GABRB3: variants seen among roughly 807,000 people sequenced by gnomAD.
The protein encoded by GABRB3 is gamma-aminobutyric acid receptor subunit beta-3.
In GABRB3, 14 loss-of-function variants were observed where a neutral mutation model predicts 52.1. The ratio of observed to expected loss-of-function variants is 0.27; its 90% CI spans 0.18 to 0.42. GABRB3 has a LOEUF of 0.42. Ranked by LOEUF, GABRB3 falls within the 10% of genes least tolerant of loss-of-function variation. The pLI is 1.00. For missense variants in GABRB3, 307 were observed against 609.1 expected (o/e 0.50, Z 5.22); for synonymous variants, 260 against 232.3 (o/e 1.12, Z -1.08).
chr15:26,756,187 T>C (rs182376681), intron 3 of GABRB3, among the ~76,000 whole-genome samples: 1 of 152,220 alleles, frequency 6.6e-6, no homozygotes, highest in East Asian at 1.9e-4. Context: ...TAGATATTAT[T>C]TTGTAGAAGC....
chr15:26,640,347 C>T (rs1422625762), intron 3 of GABRB3, among the ~76,000 whole-genome samples: 1 of 152,272 alleles, frequency 6.6e-6, no homozygotes, highest in South Asian at 2.1e-4. Flanking sequence ...GAAACCCCAT[C>T]TATACTAAAA....
intron 3 of GABRB3, among the ~76,000 whole-genome samples, chr15:26,629,488 G>T (rs1466721417): frequency 2.6e-5 from 4 of 152,212 alleles, no homozygotes; most frequent in Admixed American, 2.6e-4. Context: ...AGCACATCTA[G>T]ACCGAATGTG....
rs1885151667 is a variant in GABRB3, at chr15:26,546,812, A to G, written c.*981T>C. On this transcript the variant is annotated 3_prime_UTR_variant, in exon 9 of 9. Coordinates refer to ENST00000311550, the MANE Select transcript of GABRB3 (RefSeq NM_000814.6). Reference sequence around the variant, plus strand: ...ATATTTTCTATTAACATACAATGTTATAAGAATGATAACATAACTGCAAGG... The same window carrying G: ...ATATTTTCTATTAACATACAATGTTGTAAGAATGATAACATAACTGCAAGG... The G allele has an allele frequency of 6.6e-6, 1 of 152,214 alleles. No individual in the cohort carries two copies. The highest frequency in any genetic ancestry group is 6.5e-5 in the Admixed American group (1 of 15,274). The allele number at this position is 152,214 out of a possible 1,614,324, so 9.4% of individuals were successfully genotyped here.
At chr15:26,690,080 A>G (rs957536496) in intron 3 of GABRB3, among the ~76,000 whole-genome samples, 2 of 149,500 alleles carry the variant, frequency 1.3e-5, no homozygotes, top group Admixed American at 1.3e-4. Flanking sequence ...TTTTTTTACC[A>G]ATCTGGAGAA....
At chr15:26,592,017 T>C (rs1472511763) in intron 4 of GABRB3, among the ~76,000 whole-genome samples, 1 of 152,148 alleles carries the variant, frequency 6.6e-6, no homozygotes, top group Non-Finnish European at 1.5e-5. Context: ...TTGCTATCTG[T>C]GTCTCTAGCC....
chr15:26,604,313 A>G (rs1891699721), intron 4 of GABRB3, among the ~76,000 whole-genome samples: 1 of 152,154 alleles, frequency 6.6e-6, no homozygotes, highest in Non-Finnish European at 1.5e-5. Context: ...GATTGGAAGA[A>G]TCATTATTGT....
At chr15:26,685,879 A>ACTG (rs533629892) in intron 3 of GABRB3, among the ~76,000 whole-genome samples, 126 of 149,308 alleles carry the variant, frequency 8.4e-4, no homozygotes, top group African/African-American at 3.1e-3. Context: ...ATCATAGCTC[A>ACTG]CTGCAGCCTC....
intron 3 of GABRB3, among the ~76,000 whole-genome samples, chr15:26,748,807 C>CT: frequency 6.6e-6 from 1 of 152,152 alleles, no homozygotes; most frequent in East Asian, 1.9e-4. Flanking sequence ...GGGCAGATCA[C>CT]TTGAGACCAG....
At chr15:26,674,189 G>T (rs1887986647) in intron 3 of GABRB3, among the ~76,000 whole-genome samples, 1 of 151,542 alleles carries the variant, frequency 6.6e-6, no homozygotes, top group African/African-American at 2.4e-5. Context: ...ATCACCCGAG[G>T]TCAGTAGTTT....
chr15:26,647,112 G>A (rs1375177433), intron 3 of GABRB3, among the ~76,000 whole-genome samples: 2 of 152,110 alleles, frequency 1.3e-5, no homozygotes, highest in Non-Finnish European at 2.9e-5. Context: ...CAAAGTGCTG[G>A]GATTACAGGC....
chr15:26,551,642 C>G (rs78185350), intron 8 of GABRB3, among the ~76,000 whole-genome samples: 3,989 of 152,268 alleles, frequency 0.026, 187 homozygotes, highest in African/African-American at 0.091. Flanking sequence ...TGCCATGAGT[C>G]CAGGTGGTGC....
chr15:26,606,522 T>C (rs1250800239), intron 4 of GABRB3, among the ~76,000 whole-genome samples: 1 of 152,140 alleles, frequency 6.6e-6, no homozygotes, highest in Admixed American at 6.5e-5. Flanking sequence ...TAAAGCTATA[T>C]ATGATAAGCC....
intron 3 of GABRB3, among the ~76,000 whole-genome samples, chr15:26,673,794 C>T (rs892740077): frequency 1.3e-5 from 2 of 152,136 alleles, no homozygotes; most frequent in Admixed American, 1.3e-4. Flanking sequence ...AAACTTTGTC[C>T]AAAGCTTTTA....
chr15:26,754,187 A>G (rs571691623), intron 3 of GABRB3, among the ~76,000 whole-genome samples: 1 of 152,308 alleles, frequency 6.6e-6, no homozygotes, highest in African/African-American at 2.4e-5. Context: ...ATTAAGCACG[A>G]GTCGAACTAA....
At chr15:26,588,035 A>G (rs1248522147) in intron 4 of GABRB3, among the ~76,000 whole-genome samples, 1 of 151,984 alleles carries the variant, frequency 6.6e-6, no homozygotes, top group African/African-American at 2.4e-5. Flanking sequence ...TATGATTGAG[A>G]GACAGCAGTG....
At chr15:26,687,479 C>T (rs1464681189) in intron 3 of GABRB3, among the ~76,000 whole-genome samples, 1 of 152,140 alleles carries the variant, frequency 6.6e-6, no homozygotes, top group East Asian at 1.9e-4. Context: ...CATCATGCTT[C>T]TCTTTCTCTT....
chr15:26,721,602 C>A (rs929353886), intron 3 of GABRB3, among the ~76,000 whole-genome samples: 1 of 151,688 alleles, frequency 6.6e-6, no homozygotes, highest in Non-Finnish European at 1.5e-5. Context: ...TTGTTTTTCT[C>A]TTGTTGATCT....
intron 3 of GABRB3, among the ~76,000 whole-genome samples, chr15:26,749,749 G>C (rs1354221153): frequency 5.3e-5 from 8 of 151,636 alleles, no homozygotes; most frequent in African/African-American, 1.9e-4. Flanking sequence ...TTTCGCGGGG[G>C]CTTTTTTGTT....
chr15:26,628,068 A>C (rs1165385592), intron 3 of GABRB3, among the ~76,000 whole-genome samples: 2 of 152,258 alleles, frequency 1.3e-5, no homozygotes, highest in East Asian at 3.8e-4. Flanking sequence ...CTGAAGGCTC[A>C]GATGATTGTT....
Sources: gnomAD v4.1 joint callset for allele counts (sites outside exome capture counted in the v4.1 genomes callset) on GRCh38, gnomAD v4.1.1 for gene constraint, MANE v1.5 for transcripts, NCBI Gene and HGNC (gene_info 2026-07-23, HGNC 2026-07-21) for gene names.